The following TENM3 variants were observed in gnomAD, a reference collection of about 807,000 sequenced individuals.
TENM3 encodes the protein teneurin transmembrane protein 3, also known as teneurin-3.
Under a neutral mutation model 255.1 loss-of-function variants are expected in TENM3, and 63 were observed. The ratio of observed to expected loss-of-function variants is 0.25; its 90% CI spans 0.20 to 0.30. TENM3 has a LOEUF of 0.30. TENM3 is among the 10% of genes least tolerant of loss of function. The probability of loss-of-function intolerance (pLI) is 1.00; values close to 1 mark genes in which losing one functional copy is unlikely to be tolerated. For missense variants in TENM3, 2,929 were observed against 3,461.1 expected, an observed-to-expected ratio of 0.85 and a Z score of 3.86; for synonymous variants, 1,306 against 1,322.3, an observed-to-expected ratio of 0.99 and a Z score of 0.27.
At chr4:182,498,981 G>C (rs1048728456) in intron 3 of TENM3, among the ~76,000 whole-genome samples, 2 of 152,224 alleles carry the variant, frequency 1.3e-5, no homozygotes, top group Non-Finnish European at 2.9e-5. Flanking sequence ...TTTCTAAAGA[G>C]ATCTCAGGAG....
the TENM3 span, among the ~76,000 whole-genome samples, chr4:181,454,819 C>T: frequency 1.3e-5 from 2 of 151,780 alleles, no homozygotes; most frequent in Admixed American, 1.3e-4. Flanking sequence ...CTGTGCTTTA[C>T]AGCCTAGGTG....
At chr4:182,201,808 A>G (rs1386893945) in intron 1 of TENM3, among the ~76,000 whole-genome samples, 1 of 152,182 alleles carries the variant, frequency 6.6e-6, no homozygotes, top group African/African-American at 2.4e-5. Flanking sequence ...AGAACAAAAC[A>G]AGGATTTTGG....
the TENM3 span, among the ~76,000 whole-genome samples, chr4:181,858,579 A>G: frequency 4.6e-5 from 7 of 152,292 alleles, no homozygotes; most frequent in Middle Eastern, 3.4e-3. Context: ...TTGAAATCTC[A>G]TGCAGAGCCA....
intron 24 of TENM3, 95 bp from the exon 25 acceptor site, chr4:182,788,997 GA>G (rs1339316836): frequency 4.5e-6 from 5 of 1,123,546 alleles, no homozygotes; most frequent in Non-Finnish European, 6.2e-6. Context: ...TACTGACAAA[GA>G]GAATCAATCA....
the TENM3 span, among the ~76,000 whole-genome samples, chr4:182,054,228 C>T: frequency 6.6e-6 from 1 of 152,154 alleles, no homozygotes; most frequent in Admixed American, 6.5e-5. Context: ...CTCCTCCTGC[C>T]CACTGCCCAT....
chr4:182,037,037 A>G, the TENM3 span, among the ~76,000 whole-genome samples: 6 of 152,142 alleles, frequency 3.9e-5, no homozygotes, highest in Non-Finnish European at 8.8e-5. Flanking sequence ...ATATCCATTT[A>G]TACTAACAGG....
At chr4:182,614,404 AATCATC>A in intron 4 of TENM3, among the ~76,000 whole-genome samples, 2 of 152,242 alleles carry the variant, frequency 1.3e-5, no homozygotes, top group South Asian at 4.1e-4. Flanking sequence ...CCTTTCCTAG[AATCATC>A]CTTTTTAAAA....
rs531883834 is a variant in TENM3, at chr4:182,473,490, A to G, written c.511+126561A>G. On this transcript the variant is annotated intron_variant, in intron 3 of 27. Coordinates refer to ENST00000511685, the MANE Select transcript of TENM3 (RefSeq NM_001080477.4). ...AGATCGAGACCATGCTGGCTAACAC[A>G]GTGAAACCCCGTCTCTACTAAAAAT... Among the ~76,000 whole-genome samples, 1,072 of 152,214 alleles carry G rather than the reference A, an allele frequency of 7.0e-3. 6 individuals carry two copies. Among genetic ancestry groups the G allele is most frequent in the Non-Finnish European group, 0.012 (798 of 68,012 alleles).
the TENM3 span, among the ~76,000 whole-genome samples, chr4:182,023,523 A>G: frequency 6.6e-6 from 1 of 152,206 alleles, no homozygotes; most frequent in Non-Finnish European, 1.5e-5. Context: ...AATTTTGAAC[A>G]TAGATTATAT....
At chr4:182,713,067 T>A (rs866308873) in intron 12 of TENM3, among the ~76,000 whole-genome samples, 1 of 152,236 alleles carries the variant, frequency 6.6e-6, no homozygotes, top group Non-Finnish European at 1.5e-5. Context: ...TTGTTTTTTT[T>A]AAATGTCATG....
the TENM3 span, among the ~76,000 whole-genome samples, chr4:181,580,762 A>G: frequency 6.6e-6 from 1 of 152,250 alleles, no homozygotes; most frequent in African/African-American, 2.4e-5. Flanking sequence ...AATCTGGCTC[A>G]GAATTCATCC....
intron 3 of TENM3, among the ~76,000 whole-genome samples, chr4:182,425,951 T>G (rs1358250000): frequency 7.0e-6 from 1 of 142,400 alleles, no homozygotes; most frequent in East Asian, 2.0e-4. Flanking sequence ...GAGGTTGCAG[T>G]GAGCTGTGAT....
At chr4:181,746,263 A>T in the TENM3 span, among the ~76,000 whole-genome samples, 4 of 152,240 alleles carry the variant, frequency 2.6e-5, no homozygotes, top group African/African-American at 9.6e-5. Context: ...GTGAGTGGTT[A>T]AAGAAGAGTG....
chr4:182,726,666 T>G (rs1477629647), intron 13 of TENM3, among the ~76,000 whole-genome samples: 1 of 152,172 alleles, frequency 6.6e-6, no homozygotes, highest in Non-Finnish European at 1.5e-5. Flanking sequence ...AACGAAAAGT[T>G]TCATCTGTTG....
chr4:181,739,312 A>G, the TENM3 span, among the ~76,000 whole-genome samples: 121,627 of 151,572 alleles, frequency 0.8, 49,950 homozygotes, highest in East Asian at 0.94. Flanking sequence ...TTAAGAATGA[A>G]GCTCCCCCAC....
chr4:182,391,447 G>A (rs1454394353), intron 3 of TENM3, among the ~76,000 whole-genome samples: 4 of 152,158 alleles, frequency 2.6e-5, no homozygotes, highest in African/African-American at 9.7e-5. Context: ...AATAGACACA[G>A]TTAAATAAAA....
chr4:181,833,916 T>G, the TENM3 span, among the ~76,000 whole-genome samples: 2 of 152,280 alleles, frequency 1.3e-5, no homozygotes, highest in South Asian at 4.1e-4. Flanking sequence ...AGTTGAGAAC[T>G]TATTAAATCT....
At chr4:182,290,181 G>T (rs1032211366) in intron 1 of TENM3, among the ~76,000 whole-genome samples, 10 of 152,188 alleles carry the variant, frequency 6.6e-5, no homozygotes, top group Admixed American at 6.5e-4. Context: ...ATCAGAGTGG[G>T]GACCTGGCGT....
chr4:182,242,346 A>G (rs1281879306), upstream of TENM3, among the ~76,000 whole-genome samples: 2 of 151,790 alleles, frequency 1.3e-5, no homozygotes, highest in Non-Finnish European at 2.9e-5. Flanking sequence ...GCTGAGAATG[A>G]TGGTTTCCAG....
Sources: allele counts gnomAD v4.1 joint callset (sites outside exome capture counted in the v4.1 genomes callset), GRCh38; gene constraint gnomAD v4.1.1; transcripts MANE v1.5; gene names NCBI Gene and HGNC (gene_info 2026-07-23, HGNC 2026-07-21).